Variants in FSTL5 observed in about 807,000 individuals in gnomAD.
The protein encoded by FSTL5 is follistatin-related protein 5.
FSTL5 carries 62 observed loss-of-function variants against 89.1 expected under a neutral mutation model. The observed-to-expected ratio is 0.70, with a 90% CI of 0.57 to 0.86. FSTL5 has a LOEUF of 0.86. Ranked by LOEUF, FSTL5 falls within the 40% of genes least tolerant of loss-of-function variation. FSTL5 has a pLI of 0.00. For missense variants in FSTL5, 1,057 were observed against 1,001.6 expected (o/e 1.06, Z -0.75); for synonymous variants, 383 against 346.2 (o/e 1.11, Z -1.18).
chr4:162,080,203 A>G (rs1444774537), intron 2 of FSTL5, among the ~76,000 whole-genome samples: 1 of 151,598 alleles, frequency 6.6e-6, no homozygotes, highest in African/African-American at 2.4e-5. Context: ...CTTTCAATAT[A>G]ATTTATTTCA....
intron 3 of FSTL5, among the ~76,000 whole-genome samples, chr4:161,980,059 AAAAGAG>A (rs1414116051): frequency 3.7e-5 from 5 of 136,056 alleles, no homozygotes; most frequent in African/African-American, 1.1e-4. Flanking sequence ...AAGAAAGAGA[AAAAGAG>A]AAAGAGAGAA....
At chr4:161,393,100 G>T (rs886907137) in intron 15 of FSTL5, among the ~76,000 whole-genome samples, 2 of 152,010 alleles carry the variant, frequency 1.3e-5, no homozygotes, top group African/African-American at 4.8e-5. Flanking sequence ...GGAGGCAGAG[G>T]TTGCAGTGAG....
chr4:161,796,306 A>C (rs1729632605), intron 4 of FSTL5, among the ~76,000 whole-genome samples: 1 of 151,852 alleles, frequency 6.6e-6, no homozygotes, highest in South Asian at 2.1e-4. Flanking sequence ...CAGAAAGATG[A>C]ATAATTTTAT....
intron 4 of FSTL5, among the ~76,000 whole-genome samples, chr4:161,786,394 T>C (rs1161096066): frequency 6.6e-6 from 1 of 152,092 alleles, no homozygotes; most frequent in Non-Finnish European, 1.5e-5. Context: ...TCTGAATAGA[T>C]GTAACCTGCA....
chr4:162,067,034 CTTTG>C (rs948691139), intron 2 of FSTL5, among the ~76,000 whole-genome samples: 17 of 151,846 alleles, frequency 1.1e-4, no homozygotes, highest in East Asian at 5.9e-4. Context: ...GAACTAAGTC[CTTTG>C]TTTGTTTGTT....
intron 4 of FSTL5, among the ~76,000 whole-genome samples, chr4:161,836,893 G>A (rs1459553317): frequency 1.3e-5 from 2 of 152,066 alleles, no homozygotes; most frequent in African/African-American, 4.8e-5. Context: ...TTGAGTGGAT[G>A]TTGACTTCAT....
intron 7 of FSTL5, among the ~76,000 whole-genome samples, chr4:161,588,620 ATTTTTTT>A (rs1733701043): frequency 6.6e-6 from 1 of 152,106 alleles, no homozygotes; most frequent in African/African-American, 2.4e-5. Context: ...GCCAAAATCA[ATTTTTTT>A]CAGAATTCTG....
At chr4:161,600,115 T>C (rs1734172288) in intron 7 of FSTL5, among the ~76,000 whole-genome samples, 1 of 150,214 alleles carries the variant, frequency 6.7e-6, no homozygotes, top group Non-Finnish European at 1.5e-5. Context: ...TTTACATAGC[T>C]ACAGACATCA....
At chr4:161,442,153 T>TA (rs1373851635) in intron 15 of FSTL5, among the ~76,000 whole-genome samples, 1 of 151,550 alleles carries the variant, frequency 6.6e-6, no homozygotes, top group Admixed American at 6.6e-5. Context: ...AAAGGTTTTT[T>TA]TTTTTTTTTC....
intron 2 of FSTL5, among the ~76,000 whole-genome samples, chr4:162,104,389 CACCATCTTGGAAGCCTCCGGCT>C (rs1427705212): frequency 6.6e-6 from 1 of 152,164 alleles, no homozygotes; most frequent in Non-Finnish European, 1.5e-5. Flanking sequence ...CGAGGCTTGC[CACCATCTTGGAAGCCTCCGGCT>C]ACCATCTTGG....
chr4:161,617,922 C>A (rs1173330944), intron 7 of FSTL5, among the ~76,000 whole-genome samples: 1 of 152,182 alleles, frequency 6.6e-6, no homozygotes, highest in South Asian at 2.1e-4. Context: ...GCAGTATGGT[C>A]ATTTTCACGA....
Position 161,556,842 on chromosome 4 carries a change from G to A in FSTL5, c.1016-14149C>T, listed in dbSNP as rs1446530890. On this transcript the variant is annotated intron_variant, in intron 8 of 15. Coordinates refer to ENST00000306100, the MANE Select transcript of FSTL5 (RefSeq NM_020116.5). ...ATTATATATATATGTGTGTGTGTGT[G>A]TGTGTATATATATATATATAATCCT... Among the ~76,000 whole-genome samples, 9 of 132,970 alleles carry A rather than the reference G, an allele frequency of 6.8e-5. No homozygotes were observed. In the South Asian group the frequency reaches 1.3e-3, roughly 19 times the overall value. The allele number at this position is 132,970 out of a possible 152,430, so 87.2% of individuals were successfully genotyped here.
chr4:161,940,095 T>A (rs1237661624), intron 3 of FSTL5, among the ~76,000 whole-genome samples: 1 of 151,802 alleles, frequency 6.6e-6, no homozygotes, highest in Non-Finnish European at 1.5e-5. Context: ...CCAGTTATTG[T>A]AAGAGCCAGA....
intron 4 of FSTL5, among the ~76,000 whole-genome samples, chr4:161,862,544 A>C (rs1811432): frequency 0.97 from 146,933 of 152,122 alleles, 71,149 homozygotes; most frequent in Non-Finnish European, 1. Context: ...ACCATCCCAG[A>C]CAACATGGTG....
intron 2 of FSTL5, among the ~76,000 whole-genome samples, chr4:162,064,600 G>A (rs1205879791): frequency 6.6e-6 from 1 of 151,984 alleles, no homozygotes; most frequent in South Asian, 2.1e-4. Context: ...TCTTGAACCT[G>A]CCAACTTTCA....
intron 6 of FSTL5, among the ~76,000 whole-genome samples, chr4:161,664,659 C>G (rs1183043660): frequency 1.3e-5 from 2 of 152,184 alleles, no homozygotes; most frequent in Non-Finnish European, 2.9e-5. Context: ...GTTCTAAACT[C>G]TGCCTGATAC....
intron 8 of FSTL5, among the ~76,000 whole-genome samples, chr4:161,547,368 A>G (rs1314212602): frequency 6.6e-6 from 1 of 151,972 alleles, no homozygotes; most frequent in African/African-American, 2.4e-5. Flanking sequence ...AAGAGCATAA[A>G]TGTTTGTTGT....
intron 3 of FSTL5, among the ~76,000 whole-genome samples, chr4:161,934,519 C>T (rs1348766859): frequency 6.6e-6 from 1 of 152,014 alleles, no homozygotes. Context: ...CTCATATGAT[C>T]AGTAGTGTTT....
chr4:162,084,799 G>A (rs979863971), intron 2 of FSTL5, among the ~76,000 whole-genome samples: 2 of 152,034 alleles, frequency 1.3e-5, no homozygotes, highest in Non-Finnish European at 2.9e-5. Flanking sequence ...GGGAGGGATA[G>A]CATTAGGAGA....
Sources: gnomAD v4.1 joint callset for allele counts (sites outside exome capture counted in the v4.1 genomes callset) on GRCh38, gnomAD v4.1.1 for gene constraint, MANE v1.5 for transcripts, NCBI Gene and HGNC (gene_info 2026-07-23, HGNC 2026-07-21) for gene names.